ATRNL1: variants seen among roughly 807,000 people sequenced by gnomAD.
The protein encoded by ATRNL1 is attractin-like protein 1.
A neutral mutation model predicts 182.7 loss-of-function variants in ATRNL1; 95 were observed. That is an observed-to-expected ratio of 0.52 (90% confidence interval 0.44 to 0.62). ATRNL1 has a LOEUF of 0.62. Ranked by LOEUF, ATRNL1 falls within the 20% of genes least tolerant of loss-of-function variation. The pLI is 0.00. For synonymous variants in ATRNL1, 576 were observed against 568.3 expected, an observed-to-expected ratio of 1.01 and a Z score of -0.19; for missense variants, 1,471 against 1,679.5, an observed-to-expected ratio of 0.88 and a Z score of 2.17.
chr10:115,903,406 CT>C (rs1952411438), intron 28 of ATRNL1, among the ~76,000 whole-genome samples: 1 of 152,152 alleles, frequency 6.6e-6, no homozygotes, highest in African/African-American at 2.4e-5. Context: ...CCTCCAGTCT[CT>C]CCCTCCCCCT....
chr10:115,438,748 C>T (rs1463941732), intron 21 of ATRNL1, among the ~76,000 whole-genome samples: 1 of 151,844 alleles, frequency 6.6e-6, no homozygotes, highest in Non-Finnish European at 1.5e-5. Context: ...TGGGCATATT[C>T]CAGTCATATA....
At chr10:115,196,486 A>T (rs1848365674) in intron 8 of ATRNL1, among the ~76,000 whole-genome samples, 2 of 152,098 alleles carry the variant, frequency 1.3e-5, no homozygotes, top group Non-Finnish European at 2.9e-5. Context: ...CAAAGATTTT[A>T]ATTGGGGTTG....
chr10:115,757,618 A>C (rs1194540188), intron 27 of ATRNL1, among the ~76,000 whole-genome samples: 1 of 152,130 alleles, frequency 6.6e-6, no homozygotes, highest in Non-Finnish European at 1.5e-5. Context: ...AACCTTGGTG[A>C]ATCTGACAAT....
At chr10:115,376,110 T>C (rs1857654917) in intron 19 of ATRNL1, among the ~76,000 whole-genome samples, 1 of 152,104 alleles carries the variant, frequency 6.6e-6, no homozygotes, top group Non-Finnish European at 1.5e-5. Flanking sequence ...GATGTAAAAG[T>C]CTTGGTGGTG....
chr10:115,891,078 G>C (rs570162519), intron 28 of ATRNL1, among the ~76,000 whole-genome samples: 1 of 151,524 alleles, frequency 6.6e-6, no homozygotes, highest in East Asian at 1.9e-4. Flanking sequence ...ATTTTATTTT[G>C]TAAAATATGT....
chr10:115,584,874 T>C (rs1592897247), intron 26 of ATRNL1, among the ~76,000 whole-genome samples: 1 of 151,408 alleles, frequency 6.6e-6, no homozygotes, highest in African/African-American at 2.4e-5. Context: ...CTGCTTCCTC[T>C]TGTGGGCATT....
At chr10:115,749,903 G>A (rs557108744) in intron 27 of ATRNL1, among the ~76,000 whole-genome samples, 1 of 151,960 alleles carries the variant, frequency 6.6e-6, no homozygotes, top group East Asian at 1.9e-4. Flanking sequence ...TTGTAAAGTC[G>A]AAGTAAGAAA....
chr10:115,208,838 T>C (rs1293218253), intron 8 of ATRNL1, among the ~76,000 whole-genome samples: 10 of 152,060 alleles, frequency 6.6e-5, no homozygotes, highest in African/African-American at 2.2e-4. Flanking sequence ...TTCTTTCTTT[T>C]TTTTATTATT....
At chr10:115,103,028 T>C (rs1843842198) in intron 1 of ATRNL1, among the ~76,000 whole-genome samples, 1 of 145,374 alleles carries the variant, frequency 6.9e-6, no homozygotes, top group East Asian at 2.0e-4. Flanking sequence ...ATTCTGTGTA[T>C]ATATTTTTAG....
intron 26 of ATRNL1, among the ~76,000 whole-genome samples, chr10:115,659,259 T>A (rs1375882014): frequency 2.6e-4 from 39 of 152,148 alleles, no homozygotes; most frequent in South Asian, 6.2e-4. Context: ...TGCCCACACC[T>A]TTGTAAATAA....
At chr10:115,506,171 C>CAA (rs1469633390) in intron 24 of ATRNL1, among the ~76,000 whole-genome samples, 3 of 151,844 alleles carry the variant, frequency 2.0e-5, no homozygotes, top group African/African-American at 7.3e-5. Flanking sequence ...TGTGTTGTGG[C>CAA]AGGGTGTCAG....
intron 19 of ATRNL1, among the ~76,000 whole-genome samples, chr10:115,388,677 ATAT>A (rs1322695368): frequency 1.3e-5 from 2 of 151,870 alleles, no homozygotes; most frequent in Non-Finnish European, 2.9e-5. Context: ...AATGTGTATC[ATAT>A]TATATTTGTT....
chr10:115,252,316 C>T (rs1023958295), intron 10 of ATRNL1, among the ~76,000 whole-genome samples: 3 of 152,262 alleles, frequency 2.0e-5, no homozygotes, highest in Admixed American at 6.5e-5. Context: ...CGTGAGCCAC[C>T]GTGACCAGCG....
chr10:115,154,362 TC>T (rs1375925663), intron 5 of ATRNL1, among the ~76,000 whole-genome samples: 1 of 152,150 alleles, frequency 6.6e-6, no homozygotes, highest in Non-Finnish European at 1.5e-5. Flanking sequence ...TTTGTAAGTC[TC>T]TAAGGACATG....
intron 15 of ATRNL1, among the ~76,000 whole-genome samples, chr10:115,296,289 C>T (rs575650303): frequency 5.3e-5 from 8 of 152,230 alleles, no homozygotes; most frequent in African/African-American, 1.9e-4. Flanking sequence ...GGTGCATCTC[C>T]ACTCCCCCAC....
intron 27 of ATRNL1, among the ~76,000 whole-genome samples, chr10:115,804,380 C>T (rs1949869942): frequency 6.6e-6 from 1 of 152,036 alleles, no homozygotes. Context: ...GAATCAGGGC[C>T]TCTGGGAGGT....
At chr10:115,139,567 G>T (rs1025998775) in intron 5 of ATRNL1, among the ~76,000 whole-genome samples, 1 of 152,154 alleles carries the variant, frequency 6.6e-6, no homozygotes, top group Non-Finnish European at 1.5e-5. Flanking sequence ...TTGCTATCAC[G>T]AGAAGAGCAC....
chr10:115,446,617 A>C (rs1203187156), intron 21 of ATRNL1, among the ~76,000 whole-genome samples: 2 of 151,990 alleles, frequency 1.3e-5, no homozygotes, highest in Admixed American at 1.3e-4. Context: ...AGTCAAAATA[A>C]TGTAAGAAAA....
chr10:115,532,741 A>G (rs1851673163), intron 25 of ATRNL1, among the ~76,000 whole-genome samples: 1 of 151,396 alleles, frequency 6.6e-6, no homozygotes, highest in Non-Finnish European at 1.5e-5. Context: ...TTGCCCATTC[A>G]GTATGATATT....
Sources: allele counts gnomAD v4.1 joint callset (sites outside exome capture counted in the v4.1 genomes callset), GRCh38; gene constraint gnomAD v4.1.1; transcripts MANE v1.5; gene names NCBI Gene and HGNC (gene_info 2026-07-23, HGNC 2026-07-21).